The following SLFN12L variants were observed in gnomAD, a reference collection of about 807,000 sequenced individuals.
The protein encoded by SLFN12L is schlafen family member 12 like.
A neutral mutation model predicts 34.8 loss-of-function variants in SLFN12L; 34 were observed. The observed-to-expected ratio is 0.98, with a 90% CI of 0.74 to 1.30. SLFN12L has a LOEUF of 1.30. Ranked by LOEUF, SLFN12L falls within the 50% of genes most tolerant of loss-of-function variation. The probability of loss-of-function intolerance (pLI) is 0.00; values close to 1 mark genes in which losing one functional copy is unlikely to be tolerated. For missense variants in SLFN12L, 703 were observed against 696.2 expected (o/e 1.01, Z -0.11); for synonymous variants, 259 against 247.5 (o/e 1.05, Z -0.44).
At chr17:35,512,458 C>T (rs78318651) in intron 2 of SLFN12L, among the ~76,000 whole-genome samples, 3 of 151,632 alleles carry the variant, frequency 2.0e-5, no homozygotes, top group Admixed American at 1.3e-4. Context: ...CTCCGCCTCC[C>T]GGGTTCACAC....
chr17:35,527,374 T>A (rs1010933042), intron 1 of SLFN12L, among the ~76,000 whole-genome samples: 1 of 152,070 alleles, frequency 6.6e-6, no homozygotes, highest in Non-Finnish European at 1.5e-5. Context: ...GCCAGCATCA[T>A]CCTGATACCA....
chr17:35,527,461 C>T (rs1040282504), intron 1 of SLFN12L, among the ~76,000 whole-genome samples: 5 of 152,082 alleles, frequency 3.3e-5, no homozygotes, highest in Non-Finnish European at 5.9e-5. Context: ...CAAAAAAATA[C>T]TGGCAAACCG....
In SLFN12L at chr17:35,530,413, GGAAGGAAGGAA is replaced by G. The variant is rs1306578160; in HGVS notation, c.-606+7149_-606+7159del. On this transcript the variant is annotated intron_variant, in intron 1 of 4. Coordinates refer to ENST00000628453, the MANE Select transcript of SLFN12L (RefSeq NM_001363830.2). Reference sequence around the variant, plus strand: ...AGGAAGGAAGGAAGGAAGGAAGGAAGGAAGGAAGGAAGGAAGGGAAGGGAAGGGAAGAAAGA... The same window carrying G: ...AGGAAGGAAGGAAGGAAGGAAGGAAGGGAAGGGAAGGGAAGGGAAGAAAGA... 4.0e-3 allele frequency among the ~76,000 whole-genome samples: 50 copies of G among 12,572 alleles called. 9 individuals are homozygous for G. In the Middle Eastern group the frequency reaches 0.056, roughly 14 times the overall value. The allele number at this position is 12,572 out of a possible 152,430, so 8.2% of individuals were successfully genotyped here. A position where few individuals can be genotyped will look rare whatever the true frequency, so the allele number is the denominator to read the frequency against.
At chr17:35,502,089 CAG>C (rs1262945572) in intron 2 of SLFN12L, among the ~76,000 whole-genome samples, 2 of 151,582 alleles carry the variant, frequency 1.3e-5, no homozygotes, top group Non-Finnish European at 2.9e-5. Flanking sequence ...AAGAGAGAGA[CAG>C]AGAAATATAC....
intron 2 of SLFN12L, chr17:35,498,190 G>A (rs1282837271): frequency 1.5e-6 from 1 of 689,498 alleles, no homozygotes; most frequent in East Asian, 2.6e-5. Flanking sequence ...GGCGTGGGGA[G>A]CCGGGGCCGC....
intron 2 of SLFN12L, among the ~76,000 whole-genome samples, chr17:35,481,140 C>T (rs776117819): frequency 6.6e-6 from 1 of 152,240 alleles, no homozygotes; most frequent in East Asian, 1.9e-4. Flanking sequence ...CCTGGCCTAG[C>T]GGTAACACCA....
chr17:35,526,872 A>G (rs1268758856), intron 1 of SLFN12L, among the ~76,000 whole-genome samples: 1 of 152,208 alleles, frequency 6.6e-6, no homozygotes, highest in Non-Finnish European at 1.5e-5. Context: ...GCATAAATGA[A>G]GGACATAGAG....
At chr17:35,502,934 G>A (rs1327287564) in intron 2 of SLFN12L, among the ~76,000 whole-genome samples, 1 of 152,104 alleles carries the variant, frequency 6.6e-6, no homozygotes, top group Non-Finnish European at 1.5e-5. Context: ...TTTGTAATAA[G>A]TCAGACAGCT....
In SLFN12L at chr17:35,464,636, A is replaced by G. The variant is rs1913693117; in HGVS notation, c.*10287T>C. On this transcript the variant is annotated 3_prime_UTR_variant, in exon 5 of 5. Transcript: ENST00000628453. ...ATGGCTGTGTAGTAGCCCATGGTGT[A>G]TATGTACCACATTTTCTTTATCTAA... The G allele has an allele frequency of 1.3e-5, 2 of 152,192 alleles. No homozygotes were observed. Among genetic ancestry groups the G allele is most frequent in the African/African-American group, 4.8e-5 (2 of 41,436 alleles). The allele number at this position is 152,192 out of a possible 1,614,324, so 9.4% of individuals were successfully genotyped here.
chr17:35,489,934 C>G (rs561646879), intron 2 of SLFN12L: 1 of 1,257,192 alleles, frequency 8.0e-7, no homozygotes, highest in African/African-American at 1.5e-5. Flanking sequence ...CCAAGTGGGA[C>G]AAAAATCCCA....
At chr17:35,511,400 A>G (rs1327109144) in intron 2 of SLFN12L, among the ~76,000 whole-genome samples, 6 of 152,228 alleles carry the variant, frequency 3.9e-5, no homozygotes, top group Non-Finnish European at 8.8e-5. Context: ...GGAATCAAAT[A>G]TTTACTATGT....
At chr17:35,505,184 A>C (rs959516483) in intron 2 of SLFN12L, among the ~76,000 whole-genome samples, 1 of 152,226 alleles carries the variant, frequency 6.6e-6, no homozygotes, top group African/African-American at 2.4e-5. Context: ...AACCAACAGC[A>C]ACAAGCTTTT....
At position 35,467,617 on chromosome 17, in the gene SLFN12L, A is replaced by G. The variant is rs1443015244; in HGVS notation, c.*7306T>C. Among the ~76,000 whole-genome samples, 1 of 152,154 alleles carries G rather than the reference A, an allele frequency of 6.6e-6. No individual in the cohort carries two copies. The highest frequency in any genetic ancestry group is 1.9e-4 in the East Asian group (1 of 5,192). On this transcript the variant is annotated 3_prime_UTR_variant, in exon 5 of 5. Transcript: ENST00000628453. ...TTCTTTTAAAGTTCCAGTCCAACAA[A>G]TGGACCTCTCAATGGGTCTTTATCT... is the stretch of plus-strand genomic sequence containing the variant.
chr17:35,508,393 C>T (rs1457497759), intron 2 of SLFN12L, among the ~76,000 whole-genome samples: 1 of 152,200 alleles, frequency 6.6e-6, no homozygotes, highest in Non-Finnish European at 1.5e-5. Context: ...GTTGCCCAGG[C>T]TGGAGTGCAG....
chr17:35,490,742 G>C, intron 2 of SLFN12L: 1 of 1,484,820 alleles, frequency 6.7e-7, no homozygotes, highest in South Asian at 1.1e-5. Flanking sequence ...CGAAAAATTA[G>C]TGGCCTTAAA....
chr17:35,527,086 A>G (rs1447769491), intron 1 of SLFN12L, among the ~76,000 whole-genome samples: 4 of 152,232 alleles, frequency 2.6e-5, no homozygotes, highest in Non-Finnish European at 5.9e-5. Context: ...AAACACCTCT[A>G]TGCAAATAAA....
chr17:35,520,069 A>T (rs1051711126), intron 2 of SLFN12L, among the ~76,000 whole-genome samples: 1 of 152,046 alleles, frequency 6.6e-6, no homozygotes, highest in Non-Finnish European at 1.5e-5. Context: ...CTTGACAGGC[A>T]AGAATTGAGT....
At chr17:35,498,094 G>A in intron 2 of SLFN12L, 1 of 553,016 alleles carries the variant, frequency 1.8e-6, no homozygotes, top group Non-Finnish European at 3.2e-6. Context: ...GGGGCGCGGG[G>A]CTCCAGGACA....
chr17:35,515,846 G>A (rs1915810452), intron 2 of SLFN12L, among the ~76,000 whole-genome samples: 1 of 151,738 alleles, frequency 6.6e-6, no homozygotes. Context: ...GTTTCACTAT[G>A]TTGGCCAGGC....
Sources: allele counts gnomAD v4.1 joint callset (sites outside exome capture counted in the v4.1 genomes callset), GRCh38; gene constraint gnomAD v4.1.1; transcripts MANE v1.5; gene names NCBI Gene and HGNC (gene_info 2026-07-23, HGNC 2026-07-21).